Variants in NCK1 observed in about 807,000 individuals in gnomAD.
NCK1 encodes SH2/SH3 adapter protein NCK1.
NCK1 carries 19 observed loss-of-function variants against 36.6 expected under a neutral mutation model. The observed-to-expected ratio is 0.52, with a 90% CI of 0.36 to 0.76. NCK1 has a LOEUF of 0.76. Ranked by LOEUF, NCK1 falls within the 30% of genes least tolerant of loss-of-function variation. The pLI is 0.00. For missense variants in NCK1, 358 were observed against 445.6 expected (o/e 0.80, Z 1.77); for synonymous variants, 165 against 156.0 (o/e 1.06, Z -0.43).
At chr3:136,869,479 G>C (rs1252568123) in intron 1 of NCK1, among the ~76,000 whole-genome samples, 2 of 152,156 alleles carry the variant, frequency 1.3e-5, no homozygotes, top group African/African-American at 4.8e-5. Flanking sequence ...CGGGAGGCAG[G>C]GGTTGCGGGG....
At chr3:136,941,012 TAA>T (rs1325541223) in intron 2 of NCK1, among the ~76,000 whole-genome samples, 1 of 152,182 alleles carries the variant, frequency 6.6e-6, no homozygotes, top group East Asian at 1.9e-4. Flanking sequence ...TATTTACATT[TAA>T]AGTTATATCT....
intron 1 of NCK1, among the ~76,000 whole-genome samples, chr3:136,875,545 A>G (rs1437182819): frequency 3.3e-5 from 5 of 152,224 alleles, no homozygotes; most frequent in Non-Finnish European, 7.3e-5. Context: ...AAAGATCAAA[A>G]GAGACAAAGA....
At chr3:136,883,922 A>C (rs1057387299) in intron 1 of NCK1, among the ~76,000 whole-genome samples, 1 of 152,228 alleles carries the variant, frequency 6.6e-6, no homozygotes, top group Non-Finnish European at 1.5e-5. Context: ...TAATTAATAG[A>C]TTGGTAAAGA....
intron 3 of NCK1, 62 bp downstream of exon 3, chr3:136,946,357 G>C (rs763803894): frequency 6.0e-5 from 84 of 1,411,038 alleles, no homozygotes; most frequent in Non-Finnish European, 7.9e-5. Context: ...AAAAGAGAGA[G>C]AGAAATGGAG....
At chr3:136,902,096 A>G (rs1266308929) in intron 1 of NCK1, among the ~76,000 whole-genome samples, 2 of 150,066 alleles carry the variant, frequency 1.3e-5, no homozygotes, top group African/African-American at 4.9e-5. Context: ...TTCTTCCTTA[A>G]TGTCTTCCTT....
At chr3:136,936,776 G>A (rs1046019359) in intron 2 of NCK1, among the ~76,000 whole-genome samples, 23 of 152,222 alleles carry the variant, frequency 1.5e-4, no homozygotes, top group East Asian at 5.8e-4. Context: ...TTCGTATACC[G>A]TAGTTGGAAC....
intron 1 of NCK1, among the ~76,000 whole-genome samples, chr3:136,870,805 T>G (rs911123279): frequency 2.0e-5 from 3 of 152,080 alleles, no homozygotes; most frequent in African/African-American, 7.2e-5. Context: ...GCTTAGCCCT[T>G]TTTTGCTTTG....
chr3:136,919,289 ACT>A (rs1164331330), intron 1 of NCK1, among the ~76,000 whole-genome samples: 2 of 152,214 alleles, frequency 1.3e-5, no homozygotes, highest in Non-Finnish European at 2.9e-5. Flanking sequence ...TGATTACATA[ACT>A]CTTAAATGTT....
At chr3:136,914,259 G>T (rs1240523511) in intron 1 of NCK1, among the ~76,000 whole-genome samples, 2 of 152,200 alleles carry the variant, frequency 1.3e-5, no homozygotes, top group East Asian at 3.9e-4. Context: ...GAAAGCTGTG[G>T]AACACATGCG....
chr3:136,890,397 C>G lies in NCK1; in HGVS notation c.-19+28044C>G, dbSNP rs189331641. Reference sequence around the variant, plus strand: ...GGCGCCTCTCCCTCTACACCTCCCCCCAAGCTGAGGGAGCAGGCTCTGCCC... The same window carrying G: ...GGCGCCTCTCCCTCTACACCTCCCCGCAAGCTGAGGGAGCAGGCTCTGCCC... On this transcript the variant is annotated intron_variant, in intron 1 of 3. Transcript: ENST00000481752. Among the ~76,000 whole-genome samples the G allele has an allele frequency of 2.8e-4, 43 of 152,322 alleles. No homozygotes were observed. In the East Asian group the frequency reaches 4.7e-3, roughly 16 times the overall value.
chr3:136,934,655 C>T (rs1175682163), intron 2 of NCK1, among the ~76,000 whole-genome samples: 1 of 152,186 alleles, frequency 6.6e-6, no homozygotes, highest in Admixed American at 6.5e-5. Context: ...CTCCTACTCT[C>T]CTTTGCCCAC....
At chr3:136,878,237 C>A (rs1938828983) in intron 1 of NCK1, among the ~76,000 whole-genome samples, 1 of 152,086 alleles carries the variant, frequency 6.6e-6, no homozygotes, top group Non-Finnish European at 1.5e-5. Flanking sequence ...GGTGAAACCC[C>A]ATCTCAACTA....
chr3:136,887,943 C>CTTTTTTTTT (rs545194154), intron 1 of NCK1, among the ~76,000 whole-genome samples: 2 of 134,090 alleles, frequency 1.5e-5, no homozygotes, highest in African/African-American at 2.7e-5. Flanking sequence ...TTCTTTCTTT[C>CTTTTTTTTT]TTTTTTTTTT....
chr3:136,863,259 C>T (rs1054244531), intron 1 of NCK1, among the ~76,000 whole-genome samples: 2 of 152,144 alleles, frequency 1.3e-5, no homozygotes, highest in African/African-American at 4.8e-5. Context: ...TCAATGTCCT[C>T]CCAAAACGGG....
At position 136,949,626 on chromosome 3, in the gene NCK1, A is replaced by C. The variant is rs550358866; in HGVS notation, c.*1173A>C. 6.6e-6 allele frequency: 1 copy of C among 152,004 alleles called. No individual in the cohort carries two copies. The highest frequency in any genetic ancestry group is 1.5e-5 in the Non-Finnish European group (1 of 67,908). 9.4% of individuals were successfully genotyped at this position (152,004 alleles called of 1,614,324 possible). A position where few individuals can be genotyped will look rare whatever the true frequency, so the allele number is the denominator to read the frequency against. ...TTTTATGGTCATAATTTGTCCCCCTATTATTCTGGAGATTTAAATTTAAGT... is the reference window on the plus strand; with the variant it reads ...TTTTATGGTCATAATTTGTCCCCCTCTTATTCTGGAGATTTAAATTTAAGT... On this transcript the variant is annotated 3_prime_UTR_variant, in exon 4 of 4. Transcript: ENST00000481752.
At position 136,926,265 on chromosome 3, in the gene NCK1, TTTA is replaced by T. The variant is rs199777441; in HGVS notation, c.-18-1698_-18-1696del. Among the ~76,000 whole-genome samples the T allele has an allele frequency of 8.1e-5, 12 of 148,392 alleles. No homozygotes were observed. In the South Asian group the frequency reaches 2.1e-3, roughly 26 times the overall value. On this transcript the variant is annotated intron_variant, in intron 1 of 3. Transcript: ENST00000481752. ...CTCTTTTTAAAATTTTATTTTAAAT[TTTA>T]TTATTATTATTATTATTATTTTTTG... is the stretch of plus-strand genomic sequence containing the variant.
chr3:136,924,091 A>C (rs547049386), intron 1 of NCK1, among the ~76,000 whole-genome samples: 3 of 152,324 alleles, frequency 2.0e-5, no homozygotes, highest in East Asian at 3.9e-4. Context: ...CATTGGGTAG[A>C]GGTTTGATGG....
chr3:136,899,522 A>AC, intron 1 of NCK1: 1 of 465,516 alleles, frequency 2.1e-6, no homozygotes, highest in Admixed American at 3.0e-5. Flanking sequence ...CAGAATCTTC[A>AC]CCAGTTGCCA....
chr3:136,910,641 A>G (rs1939808939), intron 1 of NCK1, among the ~76,000 whole-genome samples: 1 of 152,168 alleles, frequency 6.6e-6, no homozygotes, highest in Admixed American at 6.5e-5. Flanking sequence ...CCAGTTTTAA[A>G]TTTAATGTTG....
Sources: gnomAD v4.1 joint callset for allele counts (sites outside exome capture counted in the v4.1 genomes callset) on GRCh38, gnomAD v4.1.1 for gene constraint, MANE v1.5 for transcripts, NCBI Gene and HGNC (gene_info 2026-07-23, HGNC 2026-07-21) for gene names.